CNTD1: variants seen among roughly 807,000 people sequenced by gnomAD.
The protein encoded by CNTD1 is cyclin N-terminal domain containing 1, also known as cyclin N-terminal domain-containing protein 1.
Under a neutral mutation model 36.3 loss-of-function variants are expected in CNTD1, and 17 were observed. That is an observed-to-expected ratio of 0.47 (90% CI 0.32 to 0.70). The LOEUF (loss-of-function observed/expected upper bound fraction) is 0.70, where lower values mean the gene tolerates loss of function less well. CNTD1 is among the 30% of genes least tolerant of loss of function. The pLI, the probability that CNTD1 is intolerant of heterozygous loss-of-function variation, is 0.03. For synonymous variants in CNTD1, 128 were observed against 153.3 expected (o/e 0.83, Z 1.22); for missense variants, 338 against 386.1 (o/e 0.88, Z 1.04).
intron 4 of CNTD1, among the ~76,000 whole-genome samples, chr17:42,806,380 TTC>T (rs1343918399): frequency 1.3e-5 from 2 of 152,134 alleles, no homozygotes; most frequent in Admixed American, 6.6e-5. Flanking sequence ...AGCAACTGGC[TTC>T]TGTTTGGACT....
Position 42,809,754 on chromosome 17 carries a change from G to C in CNTD1, c.*219G>C. The C allele has an allele frequency of 4.1e-6, 2 of 488,802 alleles. No individual in the cohort carries two copies. Among genetic ancestry groups the C allele is most frequent in the South Asian group, 6.1e-5 (2 of 32,616 alleles). 30.3% of individuals were successfully genotyped at this position (488,802 alleles called of 1,614,324 possible). A position where few individuals can be genotyped will look rare whatever the true frequency, so the allele number is the denominator to read the frequency against. On this transcript the variant is annotated 3_prime_UTR_variant, in exon 7 of 7. Coordinates refer to ENST00000588408, the MANE Select transcript of CNTD1 (RefSeq NM_173478.3). ...TGAAAATGTTAAAAAGCTAGGTGGA[G>C]ACAGATTAGTTGTTTCATTTTTGTT...
chr17:42,803,344 C>G (rs146281772), intron 1 of CNTD1, among the ~76,000 whole-genome samples: 1 of 152,276 alleles, frequency 6.6e-6, no homozygotes, highest in Non-Finnish European at 1.5e-5. Context: ...CTGGCCAAGC[C>G]TTTTATCAGC....
intron 1 of CNTD1, among the ~76,000 whole-genome samples, chr17:42,800,426 T>A (rs1250383483): frequency 6.6e-6 from 1 of 152,072 alleles, no homozygotes; most frequent in Admixed American, 6.6e-5. Context: ...GTGGGTACAG[T>A]GTAGTCCATG....
chr17:42,802,326 C>T (rs2144117350), intron 1 of CNTD1, among the ~76,000 whole-genome samples: 1 of 152,022 alleles, frequency 6.6e-6, no homozygotes, highest in East Asian at 1.9e-4. Flanking sequence ...GGAGGTGGGG[C>T]CAATAGCAAG....
In CNTD1 at chr17:42,811,002, A is replaced by G. The variant is rs1231860583; in HGVS notation, c.*1467A>G. ...GTAAGTTCGGGGCAGGGACTTGATC[A>G]TGGGACCATTCACGTCATTTTATCT... On this transcript the variant is annotated 3_prime_UTR_variant, in exon 7 of 7. Coordinates refer to ENST00000588408, the MANE Select transcript of CNTD1 (RefSeq NM_173478.3). 7.1e-7 allele frequency: 1 copy of G among 1,400,486 alleles called. No individual in the cohort carries two copies. Among genetic ancestry groups the G allele is most frequent in the African/African-American group, 1.4e-5 (1 of 69,210 alleles). The allele number at this position is 1,400,486 out of a possible 1,614,324, so 86.8% of individuals were successfully genotyped here. A position where few individuals can be genotyped will look rare whatever the true frequency, so the allele number is the denominator to read the frequency against.
At chr17:42,805,268 T>C (rs2054859847) in intron 3 of CNTD1, 2 of 156,136 alleles carry the variant, frequency 1.3e-5, no homozygotes, top group African/African-American at 4.8e-5. Flanking sequence ...AGTACAAATA[T>C]TGTCTGTGCT....
At chr17:42,798,811 A>T, upstream of CNTD1, 1 of 1,450,878 alleles carries the variant, frequency 6.9e-7, no homozygotes, top group Non-Finnish European at 9.0e-7. Flanking sequence ...GTTCCCGGGC[A>T]CAGGGGATGG....
intron 5 of CNTD1, among the ~76,000 whole-genome samples, 174 bp downstream of exon 5, chr17:42,806,992 GGT>G (rs1211354194): frequency 1.3e-5 from 2 of 152,036 alleles, no homozygotes; most frequent in East Asian, 3.8e-4. Flanking sequence ...GACTGAGCCT[GGT>G]CAGGAAAACC....
chr17:42,799,329 T>A, intron 1 of CNTD1, 93 bp downstream of exon 1: 1 of 1,379,752 alleles, frequency 7.2e-7, no homozygotes, highest in Non-Finnish European at 9.7e-7. Flanking sequence ...TTTTATTCAT[T>A]CAGAGAATGT....
At position 42,809,457 on chromosome 17, in the gene CNTD1, C is replaced by T. The variant is rs767652958; in HGVS notation, c.915C>T (p.Asn305=). The T allele has an allele frequency of 6.2e-7, 1 of 1,614,212 alleles. No homozygotes were observed. Among genetic ancestry groups the T allele is most frequent in the Non-Finnish European group, 8.5e-7 (1 of 1,180,016 alleles). ...TCCTGACTCACGGAGTGGGAGCCAA[C>T]ACTCCGGGGAGACAGCAGTCTATTC... ...YAILTHGVGA[N]TPGRQQSIPP... Residue 305 remains asparagine (N), a synonymous_variant, in exon 7 of 7, where the codon AAC becomes AAT. Coordinates refer to ENST00000588408, the MANE Select transcript of CNTD1 (RefSeq NM_173478.3).
At position 42,811,370 on chromosome 17, in the gene CNTD1, G is replaced by A. The variant is rs1213812999; in HGVS notation, c.*1835G>A. The A allele has an allele frequency of 3.5e-5, 12 of 340,840 alleles. No homozygotes were observed. 21.1% of individuals were successfully genotyped at this position (340,840 alleles called of 1,614,324 possible). On this transcript the variant is annotated 3_prime_UTR_variant, in exon 7 of 7. Transcript: ENST00000588408. ...AGAAGCATTCCTGTGTATTTCCAAG[G>A]GCTTCAGGGAAAAACCTTCTTGAAA...
chr17:42,804,187 T>A (rs1334373132), intron 2 of CNTD1, 38 bp from the exon 3 acceptor site: 5 of 1,573,236 alleles, frequency 3.2e-6, no homozygotes, highest in Admixed American at 3.6e-5. Flanking sequence ...TTAGTTTGTG[T>A]GAGTGAGGAT....
chr17:42,801,307 C>T (rs1163235857), intron 1 of CNTD1, among the ~76,000 whole-genome samples: 1 of 148,664 alleles, frequency 6.7e-6, no homozygotes, highest in Non-Finnish European at 1.5e-5. Flanking sequence ...TGGAGCCTGG[C>T]CAACATGGTG....
chr17:42,799,226 C>T lies in CNTD1; in HGVS notation c.159C>T (p.Pro53=). ...GGCGGCTGGGCCGCTTCAGGGAGCC[C>T]CAGATCGTGGGTGCGGCTGCAGGGC... The part of the protein sequence containing the change: ...ASGRLGRFRE[P]QIVEFVFLLS... Residue 53 remains proline, a synonymous_variant, in exon 1 of 7, where the codon CCC becomes CCT. Transcript: ENST00000588408. The T allele has an allele frequency of 6.2e-7, 1 of 1,613,330 alleles. No individual in the cohort carries two copies. Among genetic ancestry groups the T allele is most frequent in the Non-Finnish European group, 8.5e-7 (1 of 1,179,716 alleles).
chr17:42,798,797 C>G (rs145554888), upstream of CNTD1: 17 of 1,455,948 alleles, frequency 1.2e-5, no homozygotes, highest in South Asian at 1.1e-4. Context: ...GGGGCAGAGC[C>G]GCGGTTCCCG....
Position 42,809,533 on chromosome 17 carries a change from T to G in CNTD1, c.991T>G (p.Ter331GlyextTer53). ...GAAGACTGTTGCTTCCTCTAACACA[T>G]GAGGGAGGCTGAATCCACCAAATAT... Reference protein sequence around the residue: ...ALKTVASSNT* With the variant: ...ALKTVASSNTG The change falls in exon 7 of 7, where the codon TGA becomes GGA. Residue 331 changes from the stop codon to glycine, a stop_lost. Transcript: ENST00000588408. The G allele has an allele frequency of 6.2e-7, 1 of 1,613,634 alleles. No homozygotes were observed. The highest frequency in any genetic ancestry group is 2.2e-5 in the East Asian group (1 of 44,878).
In CNTD1 at chr17:42,810,609, T is replaced by C. The variant is rs757527006; in HGVS notation, c.*1074T>C. 16 of 772,044 alleles carry C rather than the reference T, an allele frequency of 2.1e-5. No individual in the cohort carries two copies. Among genetic ancestry groups the C allele is most frequent in the Non-Finnish European group, 2.9e-5 (15 of 522,784 alleles). The allele number at this position is 772,044 out of a possible 1,614,324, so 47.8% of individuals were successfully genotyped here. A position where few individuals can be genotyped will look rare whatever the true frequency, so the allele number is the denominator to read the frequency against. Reference sequence around the variant, plus strand: ...GCTCTGGAAAGTATCTGTCACATGATATTTTAAAATAAAGTGGCTTTTGTG... The same window carrying C: ...GCTCTGGAAAGTATCTGTCACATGACATTTTAAAATAAAGTGGCTTTTGTG... On this transcript the variant is annotated 3_prime_UTR_variant, in exon 7 of 7. Transcript: ENST00000588408.
rs542803148 is a variant in CNTD1 at position 42,798,945 on chromosome 17, C to T, written c.-123C>T. On this transcript the variant is annotated 5_prime_UTR_variant, in exon 1 of 7. Transcript: ENST00000588408. ...AATTGGGTTTTCCTCAGACTTGAGG[C>T]GACGACACACTCATTGGAAGGGGAC... is the stretch of plus-strand genomic sequence containing the variant. The T allele has an allele frequency of 1.4e-6, 2 of 1,467,486 alleles. No individual in the cohort carries two copies. The highest frequency in any genetic ancestry group is 1.8e-6 in the Non-Finnish European group (2 of 1,111,142). The allele number at this position is 1,467,486 out of a possible 1,614,324, so 90.9% of individuals were successfully genotyped here.
intron 4 of CNTD1, 39 bp from the exon 5 acceptor site, chr17:42,806,635 G>T: frequency 6.2e-7 from 1 of 1,603,004 alleles, no homozygotes; most frequent in Non-Finnish European, 8.5e-7. Context: ...GAGAAGACAT[G>T]ATCATAAATT....
Sources: allele counts gnomAD v4.1 joint callset (sites outside exome capture counted in the v4.1 genomes callset), GRCh38; gene constraint gnomAD v4.1.1; transcripts MANE v1.5; gene names NCBI Gene and HGNC (gene_info 2026-07-23, HGNC 2026-07-21).